Variants in TLK1 observed in about 807,000 individuals in gnomAD.
TLK1 encodes the protein tousled like kinase 1.
A neutral mutation model predicts 105.3 loss-of-function variants in TLK1; 24 were observed. That is an observed-to-expected ratio of 0.23 (90% CI 0.17 to 0.32). The LOEUF (loss-of-function observed/expected upper bound fraction) is 0.32. Among genes scored for constraint, TLK1 ranks in the 10% least tolerant of loss-of-function variants. TLK1 has a pLI of 1.00. For synonymous variants in TLK1, 321 were observed against 310.4 expected, an observed-to-expected ratio of 1.03 and a Z score of -0.36; for missense variants, 558 against 910.5, an observed-to-expected ratio of 0.61 and a Z score of 4.98.
At chr2:171,122,082 G>C (rs1300584720) in intron 1 of TLK1, among the ~76,000 whole-genome samples, 1 of 152,146 alleles carries the variant, frequency 6.6e-6, no homozygotes, top group Non-Finnish European at 1.5e-5. Context: ...GAGTGGCTGG[G>C]ACTACAGGTG....
At chr2:171,121,172 C>T (rs977968334) in intron 1 of TLK1, among the ~76,000 whole-genome samples, 19 of 152,104 alleles carry the variant, frequency 1.2e-4, no homozygotes, top group Non-Finnish European at 1.9e-4. Context: ...TATGAATGTA[C>T]TTAATACCAC....
At chr2:171,119,017 A>G (rs1003705600) in intron 1 of TLK1, among the ~76,000 whole-genome samples, 1 of 152,174 alleles carries the variant, frequency 6.6e-6, no homozygotes, top group Non-Finnish European at 1.5e-5. Context: ...AAAAAGCTAA[A>G]GCCTTTAACA....
intron 2 of TLK1, among the ~76,000 whole-genome samples, chr2:171,090,917 G>A (rs1299798199): frequency 6.6e-6 from 1 of 152,118 alleles, no homozygotes; most frequent in East Asian, 1.9e-4. Context: ...AGTCGCACTA[G>A]CCATATTTTA....
intron 2 of TLK1, 50 bp downstream of exon 2, chr2:171,117,689 T>A (rs200770417): frequency 7.0e-7 from 1 of 1,420,440 alleles, no homozygotes; most frequent in East Asian, 2.3e-5. Context: ...CTATTTTAGA[T>A]CATTTAATAG....
intron 11 of TLK1, among the ~76,000 whole-genome samples, chr2:171,040,728 C>T (rs980991509): frequency 2.0e-5 from 3 of 151,910 alleles, no homozygotes; most frequent in Admixed American, 6.6e-5. Context: ...AGGTACATAC[C>T]ACCATGTCTG....
At chr2:171,191,117 G>A (rs375753388) in intron 1 of TLK1, among the ~76,000 whole-genome samples, 5 of 151,580 alleles carry the variant, frequency 3.3e-5, no homozygotes, top group African/African-American at 1.2e-4. Flanking sequence ...TCGAGATCAC[G>A]CCACTGCACT....
intron 8 of TLK1, among the ~76,000 whole-genome samples, chr2:171,053,277 A>G (rs1053919477): frequency 2.0e-5 from 3 of 152,194 alleles, no homozygotes; most frequent in African/African-American, 7.2e-5. Context: ...AATTTATTGA[A>G]GATCTAATAA....
chr2:171,027,193 T>A (rs1184762045), intron 12 of TLK1, among the ~76,000 whole-genome samples: 1 of 152,072 alleles, frequency 6.6e-6, no homozygotes, highest in African/African-American at 2.4e-5. Context: ...CCTCACCCTA[T>A]CCCATGGAGA....
intron 3 of TLK1, among the ~76,000 whole-genome samples, chr2:171,077,737 T>C (rs1295362738): frequency 1.3e-5 from 2 of 152,194 alleles, no homozygotes; most frequent in African/African-American, 4.8e-5. Flanking sequence ...ACTATCGATA[T>C]TTACTATTTT....
At chr2:171,012,125 A>C (rs1684948038) in intron 13 of TLK1, among the ~76,000 whole-genome samples, 1 of 151,988 alleles carries the variant, frequency 6.6e-6, no homozygotes, top group East Asian at 1.9e-4. Context: ...GAAAATCCAA[A>C]ATCTGAAATG....
At chr2:171,094,280 C>T (rs1398990629) in intron 2 of TLK1, among the ~76,000 whole-genome samples, 1 of 151,856 alleles carries the variant, frequency 6.6e-6, no homozygotes, top group African/African-American at 2.4e-5. Flanking sequence ...AGAATCATCC[C>T]GTTAACATCA....
chr2:171,158,954 G>C (rs957014504), intron 1 of TLK1, among the ~76,000 whole-genome samples: 1 of 152,152 alleles, frequency 6.6e-6, no homozygotes, highest in Non-Finnish European at 1.5e-5. Context: ...GAATTTTCTA[G>C]AGCATATTCA....
At chr2:171,110,588 TATG>T (rs1160584836) in intron 2 of TLK1, among the ~76,000 whole-genome samples, 1 of 152,210 alleles carries the variant, frequency 6.6e-6, no homozygotes, top group East Asian at 1.9e-4. Flanking sequence ...ATGAATGCAT[TATG>T]ATAAGTTAAA....
intron 3 of TLK1, chr2:171,081,851 T>A: frequency 2.2e-6 from 1 of 455,620 alleles, no homozygotes; most frequent in Non-Finnish European, 3.9e-6. Flanking sequence ...AGATGCCACC[T>A]TTGAAGTTCC....
At chr2:170,997,560 C>T (rs1479590281) in intron 19 of TLK1, 152 bp downstream of exon 19, 1 of 469,146 alleles carries the variant, frequency 2.1e-6, no homozygotes, top group Non-Finnish European at 3.8e-6. Flanking sequence ...TAATTCTGAT[C>T]CATGGAAATT....
At chr2:170,995,762 G>A (rs1421692729) in intron 20 of TLK1, among the ~76,000 whole-genome samples, 1 of 152,052 alleles carries the variant, frequency 6.6e-6, no homozygotes, top group Non-Finnish European at 1.5e-5. Flanking sequence ...GAGTGCAGTG[G>A]TGCGATCTCA....
intron 1 of TLK1, among the ~76,000 whole-genome samples, chr2:171,194,411 C>G (rs73017302): frequency 1.4e-4 from 22 of 152,008 alleles, no homozygotes; most frequent in Non-Finnish European, 2.6e-4. Flanking sequence ...TGAGCAAGGT[C>G]GATCATTTAT....
chr2:171,003,818 A>G (rs1002837683), intron 18 of TLK1, among the ~76,000 whole-genome samples: 9 of 152,246 alleles, frequency 5.9e-5, no homozygotes, highest in African/African-American at 2.2e-4. Flanking sequence ...CACCAGGTAC[A>G]GTCTGTGTTT....
chr2:171,066,965 G>C (rs2105454704), intron 3 of TLK1: 3 of 1,538,224 alleles, frequency 2.0e-6, no homozygotes, highest in Non-Finnish European at 2.6e-6. Flanking sequence ...TTTTGAAAGT[G>C]CTTGTAATAG....
Sources: gnomAD v4.1 joint callset for allele counts (sites outside exome capture counted in the v4.1 genomes callset) on GRCh38, gnomAD v4.1.1 for gene constraint, MANE v1.5 for transcripts, NCBI Gene and HGNC (gene_info 2026-07-23, HGNC 2026-07-21) for gene names.